MAPKBP1: variants seen among roughly 807,000 people sequenced by gnomAD.
MAPKBP1 encodes the protein mitogen-activated protein kinase binding protein 1, also known as mitogen-activated protein kinase-binding protein 1.
Under a neutral mutation model 170.5 loss-of-function variants are expected in MAPKBP1, and 71 were observed. The observed-to-expected ratio is 0.42, with a 90% CI of 0.34 to 0.51. The LOEUF (loss-of-function observed/expected upper bound fraction) is 0.51. MAPKBP1 is among the 20% of genes least tolerant of loss of function. MAPKBP1 has a pLI of 0.06. For missense variants in MAPKBP1, 1,598 were observed against 1,933.0 expected, an observed-to-expected ratio of 0.83 and a Z score of 3.25; for synonymous variants, 719 against 757.9, an observed-to-expected ratio of 0.95 and a Z score of 0.84.
rs2064831110 is a variant in MAPKBP1, at chr15:41,813,095, G to A, written c.813G>A (p.Glu271=). ...SDRRLLDKWV[E]LRTTVAHCIS... ...GAAGGCTTTTGGACAAGTGGGTGGA[G>A]CTGAGGGTAAGTACCTCCGTCCCCA... The change falls in exon 8 of 31, where the codon GAG becomes GAA. Residue 271 remains glutamate (E), a synonymous_variant. Transcript: ENST00000457542. 6.2e-7 allele frequency: 1 copy of A among 1,602,632 alleles called. No individual in the cohort carries two copies. The highest frequency in any genetic ancestry group is 8.5e-7 in the Non-Finnish European group (1 of 1,174,324).
rs957699939 is a variant in MAPKBP1 at position 41,821,056 on chromosome 15, A to G, written c.2706A>G (p.Ser902=). ...ATGGGCAGGAGGCCCTTGAGACTTC[A>G]CTCACTAGCCAGGTGAGCCTGCTTT... ...RKHGQEALET[S]LTSQNEKPPR... Residue 902 remains serine (S), a synonymous_variant, in exon 23 of 31, where the codon TCA becomes TCG. Coordinates refer to ENST00000457542, the MANE Select transcript of MAPKBP1 (RefSeq NM_014994.3). 6.2e-7 allele frequency: 1 copy of G among 1,613,866 alleles called. No homozygotes were observed. The highest frequency in any genetic ancestry group is 8.5e-7 in the Non-Finnish European group (1 of 1,179,934).
Position 41,816,902 on chromosome 15 carries a change from AT to A in MAPKBP1, c.1586-7del, listed in dbSNP as rs746711164. 3.1e-6 allele frequency: 5 copies of A among 1,598,710 alleles called. No individual in the cohort carries two copies. The highest frequency in any genetic ancestry group is 3.4e-6 in the Non-Finnish European group (4 of 1,171,032). On this transcript the variant is annotated splice_polypyrimidine_tract_variant and splice_region_variant and intron_variant, in intron 13 of 30. Coordinates refer to ENST00000457542, the MANE Select transcript of MAPKBP1 (RefSeq NM_014994.3). ...ACTCATGGGCTGATGGAGTTCTTTC[AT>A]CCCCAGGTCTGAAACTGCTAGCATC... is the stretch of plus-strand genomic sequence containing the variant.
intron 2 of MAPKBP1, among the ~76,000 whole-genome samples, chr15:41,787,122 C>A (rs956953582): frequency 5.3e-5 from 8 of 151,844 alleles, no homozygotes; most frequent in African/African-American, 1.9e-4. Flanking sequence ...CAGGTGTGAG[C>A]CACTGTGCCT....
chr15:41,811,025 T>A, intron 4 of MAPKBP1, 80 bp downstream of exon 4: 2 of 1,575,496 alleles, frequency 1.3e-6, no homozygotes, highest in South Asian at 1.1e-5. Context: ...TCTATGGCTC[T>A]GGGGGCTGGG....
At chr15:41,785,770 C>T (rs942492727) in intron 2 of MAPKBP1, among the ~76,000 whole-genome samples, 2 of 152,142 alleles carry the variant, frequency 1.3e-5, no homozygotes, top group Non-Finnish European at 1.5e-5. Context: ...TAGGTGCAAT[C>T]ATACCCTTAC....
In MAPKBP1 at chr15:41,818,508, G is replaced by A. The variant is rs1333635769; in HGVS notation, c.2093-11G>A. 1 of 1,611,044 alleles carries A rather than the reference G, an allele frequency of 6.2e-7. No homozygotes were observed. Among genetic ancestry groups the A allele is most frequent in the African/African-American group, 1.3e-5 (1 of 74,954 alleles). On this transcript the variant is annotated splice_polypyrimidine_tract_variant and intron_variant, in intron 18 of 30. Coordinates refer to ENST00000457542, the MANE Select transcript of MAPKBP1 (RefSeq NM_014994.3). The surrounding 1 kb of genome is among the most constrained non-coding windows in gnomAD (Gnocchi z 5.2). The stretch of plus-strand genomic sequence containing the variant: ...AGGTGGCTTATAGACCGTATTCTTT[G>A]TTCTTCACAGAGATTGTCACTGGCA...
At chr15:41,774,875 G>C in intron 1 of MAPKBP1, 1 of 431,376 alleles carries the variant, frequency 2.3e-6, no homozygotes, top group Non-Finnish European at 4.1e-6. Context: ...GTTGCCATGG[G>C]AACAGTTGGG....
In MAPKBP1 at chr15:41,784,894, A is replaced by T. The variant is rs1006772603; in HGVS notation, c.114+9505A>T. Among the ~76,000 whole-genome samples, 54 of 11,262 alleles carry T rather than the reference A, an allele frequency of 4.8e-3. No homozygotes were observed. The South Asian group carries it at 0.19, about 40-fold the overall frequency. The allele number at this position is 11,262 out of a possible 152,430, so 7.4% of individuals were successfully genotyped here. A position where few individuals can be genotyped will look rare whatever the true frequency, so the allele number is the denominator to read the frequency against. On this transcript the variant is annotated intron_variant, in intron 2 of 30. Transcript: ENST00000457542. Reference sequence around the variant, plus strand: ...GGCAACATGGCGAAACCCTATCTGTAAAAAAAAAAAAAAAAAAAAAAAAAT... The same window carrying T: ...GGCAACATGGCGAAACCCTATCTGTTAAAAAAAAAAAAAAAAAAAAAAAAT...
chr15:41,818,720 G>C lies in MAPKBP1; in HGVS notation c.2157-103G>C. The C allele has an allele frequency of 6.5e-7, 1 of 1,540,664 alleles. No homozygotes were observed. Among genetic ancestry groups the C allele is most frequent in the Non-Finnish European group, 8.9e-7 (1 of 1,129,304 alleles). ...CTTTTGGCTGTGCTTGACCTGAAGT[G>C]GAGGGTGGCTCTGGTCTCCTTGCCA... is the stretch of plus-strand genomic sequence containing the variant. On this transcript the variant is annotated intron_variant, in intron 19 of 30. Coordinates refer to ENST00000457542, the MANE Select transcript of MAPKBP1 (RefSeq NM_014994.3). The surrounding 1 kb of genome is among the most constrained non-coding windows in gnomAD (Gnocchi z 5.2).
At position 41,782,156 on chromosome 15, in the gene MAPKBP1, C is replaced by T. The variant is rs202054718; in HGVS notation, c.114+6767C>T. ...GGGCGCCTGTAGGCCCAGCTACTCG[C>T]GAGGCTGAGGCAGGAGAATGGTGTG... On this transcript the variant is annotated intron_variant, in intron 2 of 30. Transcript: ENST00000457542. Among the ~76,000 whole-genome samples, 6 of 148,068 alleles carry T rather than the reference C, an allele frequency of 4.1e-5. No individual in the cohort carries two copies. In the East Asian group the frequency reaches 5.9e-4, roughly 15 times the overall value.
At chr15:41,803,197 C>T (rs910482974) in intron 3 of MAPKBP1, among the ~76,000 whole-genome samples, 4 of 151,992 alleles carry the variant, frequency 2.6e-5, no homozygotes, top group Admixed American at 2.0e-4. Flanking sequence ...GGCGGATCAC[C>T]TGAGGTCAGG....
At chr15:41,811,838 C>A in intron 5 of MAPKBP1, 119 bp from the exon 6 acceptor site, 2 of 972,506 alleles carry the variant, frequency 2.1e-6, no homozygotes, top group South Asian at 1.4e-5. Context: ...TGACTTTTGG[C>A]TGGGGAAGTG....
At chr15:41,786,748 G>T (rs1327444372) in intron 2 of MAPKBP1, among the ~76,000 whole-genome samples, 1 of 48,826 alleles carries the variant, frequency 2.0e-5, no homozygotes, top group African/African-American at 8.7e-5. Flanking sequence ...ATGGGCGACA[G>T]AGCCAGACTC....
In MAPKBP1 at chr15:41,826,078, G is replaced by T. The variant is rs2065087133; in HGVS notation, c.*642G>T. ...CACTCCCATTCTCCCTCCAAGAGGG[G>T]CCCAGCATTGTATTTCCCTGTGACC... On this transcript the variant is annotated 3_prime_UTR_variant, in exon 31 of 31. Transcript: ENST00000457542. 6.5e-6 allele frequency: 1 copy of T among 152,748 alleles called. No individual in the cohort carries two copies. The highest frequency in any genetic ancestry group is 6.5e-5 in the Admixed American group (1 of 15,278). The allele number at this position is 152,748 out of a possible 1,614,324, so 9.5% of individuals were successfully genotyped here.
intron 2 of MAPKBP1, among the ~76,000 whole-genome samples, chr15:41,787,549 G>A (rs1411599693): frequency 6.6e-6 from 1 of 151,952 alleles, no homozygotes; most frequent in African/African-American, 2.4e-5. Flanking sequence ...TGTATTTTTA[G>A]TAGAGATGGG....
chr15:41,813,546 G>A, intron 8 of MAPKBP1, 75 bp from the exon 9 acceptor site: 1 of 1,565,026 alleles, frequency 6.4e-7, no homozygotes, highest in South Asian at 1.1e-5. Context: ...CTTGGCAGGT[G>A]GCTGTTGATG....
At chr15:41,794,203 G>A (rs992471891) in intron 2 of MAPKBP1, among the ~76,000 whole-genome samples, 2 of 152,180 alleles carry the variant, frequency 1.3e-5, no homozygotes, top group South Asian at 2.1e-4. Flanking sequence ...CTGCACTCCA[G>A]CCTGGGTGAC....
rs2064827313 is a variant in MAPKBP1 at position 41,812,904 on chromosome 15, G to T, written c.637-15G>T. ...CTGGGGTGGATGGGGGTGTAACAGT[G>T]GTGTGCCTCCACAGGTGAATGCCAC... On this transcript the variant is annotated splice_polypyrimidine_tract_variant and intron_variant, in intron 7 of 30. Coordinates refer to ENST00000457542, the MANE Select transcript of MAPKBP1 (RefSeq NM_014994.3). 6.3e-7 allele frequency: 1 copy of T among 1,585,720 alleles called. No individual in the cohort carries two copies. Among genetic ancestry groups the T allele is most frequent in the South Asian group, 1.2e-5 (1 of 85,700 alleles).
chr15:41,800,908 A>AT (rs573765162), intron 3 of MAPKBP1, among the ~76,000 whole-genome samples: 19 of 151,722 alleles, frequency 1.3e-4, no homozygotes, highest in South Asian at 1.0e-3. Flanking sequence ...TAATTTTTCC[A>AT]TTTTTTTGTA....
Sources: gnomAD v4.1 joint callset for allele counts (sites outside exome capture counted in the v4.1 genomes callset) on GRCh38, gnomAD v4.1.1 for gene constraint, Gnocchi (gnomAD v3.1) non-coding constraint, MANE v1.5 for transcripts, NCBI Gene and HGNC (gene_info 2026-07-23, HGNC 2026-07-21) for gene names.